Variants in CLCN4 observed in about 807,000 individuals in gnomAD.
The protein encoded by CLCN4 is H(+)/Cl(-) exchange transporter 4.
A neutral mutation model predicts 41.7 loss-of-function variants in CLCN4; 1 was observed. The observed-to-expected ratio is 0.02, with a 90% CI of 0.01 to 0.11. The LOEUF (loss-of-function observed/expected upper bound fraction) is 0.11, where lower values mean the gene tolerates loss of function less well. Ranked by LOEUF, CLCN4 falls within the 10% of genes least tolerant of loss-of-function variation. The pLI is 1.00. For missense variants in CLCN4, 287 were observed against 661.0 expected, an observed-to-expected ratio of 0.43 and a Z score of 6.20; for synonymous variants, 277 against 285.8, an observed-to-expected ratio of 0.97 and a Z score of 0.31.
intron 3 of CLCN4, among the ~76,000 whole-genome samples, chrX:10,185,975 T>A (rs1488571917): frequency 1.8e-5 from 2 of 110,906 alleles, no homozygotes; most frequent in Non-Finnish European, 3.8e-5. Flanking sequence ...GGCAGTGATG[T>A]GTAGGTGGAG....
At chrX:10,182,614 C>T (rs190568413) in intron 2 of CLCN4, among the ~76,000 whole-genome samples, 78 of 112,477 alleles carry the variant, frequency 6.9e-4, no homozygotes, top group African/African-American at 2.3e-3. Context: ...TTAGTGGAGA[C>T]GGGGTTTCAC....
chrX:10,171,410 C>A (rs762446272), intron 2 of CLCN4, among the ~76,000 whole-genome samples: 1 of 111,709 alleles, frequency 9.0e-6, no homozygotes, highest in Non-Finnish European at 1.9e-5. Context: ...ATGCTGCCTT[C>A]GTTTGGGTCC....
At chrX:10,198,158 A>G in intron 6 of CLCN4, 97 bp downstream of exon 6, 1 of 848,824 alleles carries the variant, frequency 1.2e-6, no homozygotes, top group South Asian at 2.5e-5. Flanking sequence ...TTTTACTTCT[A>G]CTAACTCATT....
Position 10,233,642 on chromosome X carries a change from AATG to A in CLCN4, c.*61_*63del. ...TGACTGTGTCATTTAAAAAGAAATA[AATG>A]ATATGTTATTATCCCAATGAAAGAT... is the stretch of plus-strand genomic sequence containing the variant. On this transcript the variant is annotated 3_prime_UTR_variant, in exon 13 of 13. Transcript: ENST00000380833. 1.1e-6 allele frequency: 1 copy of A among 925,311 alleles called. No homozygotes were observed. 76.3% of individuals were successfully genotyped at this position (925,311 alleles called of 1,213,427 possible).
At position 10,236,380 on chromosome X, in the gene CLCN4, C is replaced by G. The variant is rs1384919849; in HGVS notation, c.*2796C>G. The G allele has an allele frequency of 8.9e-6, 1 of 112,042 alleles. No individual in the cohort carries two copies. Among genetic ancestry groups the G allele is most frequent in the Non-Finnish European group, 1.9e-5 (1 of 53,205 alleles). 9.2% of individuals were successfully genotyped at this position (112,042 alleles called of 1,213,427 possible). The stretch of plus-strand genomic sequence containing the variant: ...TTACTTTCTTTCGTAAGTTGAACCT[C>G]TGATTTATTGTGGGGTTCAGGCTCT... On this transcript the variant is annotated 3_prime_UTR_variant, in exon 13 of 13. Coordinates refer to ENST00000380833, the MANE Select transcript of CLCN4 (RefSeq NM_001830.4).
chrX:10,175,970 CTGTGTG>C (rs1207326766), intron 2 of CLCN4, among the ~76,000 whole-genome samples: 190 of 68,458 alleles, frequency 2.8e-3, no homozygotes, highest in East Asian at 4.7e-3. Context: ...CTCTCTCTCT[CTGTGTG>C]TGTGTGTATG....
At chrX:10,174,555 T>C (rs1387941421) in intron 2 of CLCN4, among the ~76,000 whole-genome samples, 2 of 112,015 alleles carry the variant, frequency 1.8e-5, no homozygotes, top group East Asian at 5.6e-4. Flanking sequence ...TCCTAGGAGG[T>C]GGTCTTGTTA....
rs1458426512 is a variant in CLCN4, at chrX:10,208,429, T to C, written c.1228T>C (p.Ser410Pro). 8.3e-7 allele frequency: 1 copy of C among 1,211,031 alleles called. No homozygotes were observed. Among genetic ancestry groups the C allele is most frequent in the Non-Finnish European group, 1.1e-6 (1 of 895,336 alleles). Reference protein sequence around the residue: ...ELFNDCGALESSQLCDYINDP... With the variant: ...ELFNDCGALEPSQLCDYINDP... ...GTTCAATGACTGTGGAGCCCTTGAG[T>C]CTTCCCAGCTCTGTGACTACATCAA... Residue 410 changes from serine to proline, a missense_variant, in exon 9 of 13, where the codon TCT becomes CCT. Ser to Pro is a moderately conservative substitution (Grantham distance 74). This residue lies in a region of CLCN4 where 94 missense variants were observed against 177.9 expected (regional missense o/e 0.53). Coordinates refer to ENST00000380833, the MANE Select transcript of CLCN4 (RefSeq NM_001830.4).
intron 2 of CLCN4, among the ~76,000 whole-genome samples, chrX:10,161,207 G>A (rs1006064925): frequency 8.4e-5 from 9 of 107,334 alleles, no homozygotes; most frequent in Non-Finnish European, 9.6e-5. Flanking sequence ...TCTCCTGGGG[G>A]GAGATAGGAA....
chrX:10,203,703 T>A (rs1010807826), intron 6 of CLCN4, among the ~76,000 whole-genome samples: 1 of 111,446 alleles, frequency 9.0e-6, no homozygotes, highest in African/African-American at 3.3e-5. Flanking sequence ...GCTGTAAAAA[T>A]CCTCATACCC....
intron 2 of CLCN4, among the ~76,000 whole-genome samples, chrX:10,168,112 TGA>T (rs1365085553): frequency 8.9e-6 from 1 of 112,222 alleles, no homozygotes; most frequent in Non-Finnish European, 1.9e-5. Context: ...ATATTGAGGA[TGA>T]GTTTGGATAT....
rs1925210237 is a variant in CLCN4 at position 10,234,752 on chromosome X, A to G, written c.*1168A>G. 8.9e-6 allele frequency: 1 copy of G among 112,713 alleles called. No individual in the cohort carries two copies. Among genetic ancestry groups the G allele is most frequent in the Non-Finnish European group, 1.9e-5 (1 of 53,366 alleles). 9.3% of individuals were successfully genotyped at this position (112,713 alleles called of 1,213,427 possible). On this transcript the variant is annotated 3_prime_UTR_variant, in exon 13 of 13. Coordinates refer to ENST00000380833, the MANE Select transcript of CLCN4 (RefSeq NM_001830.4). ...TTCATACTAGCAATCACAGCACAGG[A>G]GGACAGCATTAAATTTTATATAGCC... is the stretch of plus-strand genomic sequence containing the variant.
intron 9 of CLCN4, among the ~76,000 whole-genome samples, chrX:10,209,909 A>G (rs1924501181): frequency 9.2e-6 from 1 of 109,150 alleles, no homozygotes; most frequent in Non-Finnish European, 1.9e-5. Flanking sequence ...GTGGCATTAC[A>G]TACATTCACA....
intron 3 of CLCN4, among the ~76,000 whole-genome samples, chrX:10,187,064 C>G (rs1192822186): frequency 8.9e-6 from 1 of 111,839 alleles, no homozygotes; most frequent in Non-Finnish European, 1.9e-5. Flanking sequence ...CCAGCTAATT[C>G]TAAGTTCGTG....
chrX:10,187,726 C>T lies in CLCN4; in HGVS notation c.244+112C>T, dbSNP rs985803959. 1.7e-4 allele frequency: 101 copies of T among 579,719 alleles called. No individual in the cohort carries two copies. The Admixed American group carries it at 2.6e-3, about 15-fold the overall frequency. The allele number at this position is 579,719 out of a possible 1,213,427, so 47.8% of individuals were successfully genotyped here. A position where few individuals can be genotyped will look rare whatever the true frequency, so the allele number is the denominator to read the frequency against. On this transcript the variant is annotated intron_variant, in intron 4 of 12. Coordinates refer to ENST00000380833, the MANE Select transcript of CLCN4 (RefSeq NM_001830.4). Reference sequence around the variant, plus strand: ...AGCGCGTGTCGCTTGTCGCTTTTACCCCTGTGGGAGGGATTTATTACTTGA... The same window carrying T: ...AGCGCGTGTCGCTTGTCGCTTTTACTCCTGTGGGAGGGATTTATTACTTGA...
intron 2 of CLCN4, among the ~76,000 whole-genome samples, chrX:10,160,476 C>T (rs899319386): frequency 1.4e-4 from 15 of 110,180 alleles, no homozygotes; most frequent in African/African-American, 5.0e-4. Context: ...GTGTGGAAAC[C>T]TGCCGGGGCT....
At chrX:10,192,028 A>AT (rs371094610) in intron 4 of CLCN4, among the ~76,000 whole-genome samples, 42 of 110,054 alleles carry the variant, frequency 3.8e-4, no homozygotes, top group African/African-American at 1.4e-3. Flanking sequence ...GAGTTTTCTG[A>AT]TTTTTTCATT....
intron 10 of CLCN4, 28 bp downstream of exon 10, chrX:10,212,681 G>T: frequency 8.6e-7 from 1 of 1,167,688 alleles, no homozygotes; most frequent in Non-Finnish European, 1.2e-6. Context: ...GCAGGGAGGG[G>T]GACCGGGGAA....
At chrX:10,199,841 C>T (rs1005842986) in intron 6 of CLCN4, among the ~76,000 whole-genome samples, 4 of 111,020 alleles carry the variant, frequency 3.6e-5, no homozygotes, top group African/African-American at 1.3e-4. Flanking sequence ...TCAGTGCAAC[C>T]TCCGTTTCCC....
Sources: gnomAD v4.1 joint callset for allele counts (sites outside exome capture counted in the v4.1 genomes callset) on GRCh38, gnomAD v4.1.1 for gene constraint, gnomAD v4.1.1 regional missense constraint, MANE v1.5 for transcripts, NCBI Gene and HGNC (gene_info 2026-07-23, HGNC 2026-07-21) for gene names.